SLC9A4: variants seen among roughly 807,000 people sequenced by gnomAD.
SLC9A4 encodes solute carrier family 9 member A4.
In SLC9A4, 63 loss-of-function variants were observed where a neutral mutation model predicts 67.4. The observed-to-expected ratio is 0.93, with a 90% CI of 0.76 to 1.15. The LOEUF (loss-of-function observed/expected upper bound fraction) is 1.15. SLC9A4 is among the 50% of genes most tolerant of loss of function. The pLI, the probability that SLC9A4 is intolerant of heterozygous loss-of-function variation, is 0.00. For synonymous variants in SLC9A4, 393 were observed against 367.2 expected (o/e 1.07, Z -0.80); for missense variants, 1,089 against 987.7 (o/e 1.10, Z -1.38).
intron 2 of SLC9A4, among the ~76,000 whole-genome samples, chr2:102,500,344 C>T (rs1428849247): frequency 6.6e-6 from 1 of 152,208 alleles, no homozygotes; most frequent in African/African-American, 2.4e-5. Context: ...GCCGACATCT[C>T]GAGTCCAGAC....
intron 9 of SLC9A4, among the ~76,000 whole-genome samples, chr2:102,522,394 C>T (rs1256151231): frequency 6.6e-6 from 1 of 152,034 alleles, no homozygotes; most frequent in Non-Finnish European, 1.5e-5. Flanking sequence ...CACTATAACA[C>T]AGAAATGGAG....
intron 2 of SLC9A4, among the ~76,000 whole-genome samples, chr2:102,484,195 G>A (rs1315339732): frequency 6.6e-6 from 1 of 152,078 alleles, no homozygotes; most frequent in Non-Finnish European, 1.5e-5. Context: ...AACTGCACAA[G>A]GACACACTGC....
At position 102,478,981 on chromosome 2, in the gene SLC9A4, T is replaced by G. The variant is rs1164006156; in HGVS notation, c.399T>G (p.Tyr133Ter). The change falls in exon 2 of 12, where the codon TAT becomes TAG. Residue 133 changes from tyrosine (Y) to a stop codon, truncating the protein, a stop_gained. Transcript: ENST00000295269. LOFTEE classifies it high-confidence loss of function. Reference sequence around the variant, plus strand: ...TGGACTCCAGCATCTACTTCCTGTATCTCCTGCCACCCATCGTTCTGGAGG... The same window carrying G: ...TGGACTCCAGCATCTACTTCCTGTAGCTCCTGCCACCCATCGTTCTGGAGG... ...PVMDSSIYFLYLLPPIVLEGG... is the reference protein window; with the variant it reads ...PVMDSSIYFL 1.2e-6 allele frequency: 2 copies of G among 1,614,100 alleles called. No individual in the cohort carries two copies. Among genetic ancestry groups the G allele is most frequent in the Non-Finnish European group, 1.7e-6 (2 of 1,179,992 alleles).
intron 2 of SLC9A4, among the ~76,000 whole-genome samples, chr2:102,484,517 C>T (rs1433165367): frequency 1.3e-5 from 2 of 152,162 alleles, no homozygotes; most frequent in African/African-American, 4.8e-5. Flanking sequence ...AGTGAATGCC[C>T]AACCTGGAGT....
chr2:102,476,848 A>G (rs1401294744), intron 1 of SLC9A4, among the ~76,000 whole-genome samples: 1 of 152,208 alleles, frequency 6.6e-6, no homozygotes, highest in African/African-American at 2.4e-5. Flanking sequence ...TAAGTAAAAT[A>G]AAGAGGAGGA....
intron 2 of SLC9A4, among the ~76,000 whole-genome samples, chr2:102,496,982 G>A (rs1385708507): frequency 6.6e-6 from 1 of 152,194 alleles, no homozygotes; most frequent in Non-Finnish European, 1.5e-5. Flanking sequence ...CTGGAGTGCA[G>A]TGGCATATCT....
chr2:102,530,754 G>A (rs1260142541), intron 11 of SLC9A4, among the ~76,000 whole-genome samples: 2 of 152,160 alleles, frequency 1.3e-5, no homozygotes, highest in Non-Finnish European at 2.9e-5. Context: ...CATGTTAAAG[G>A]AGAGTCAGGG....
intron 3 of SLC9A4, among the ~76,000 whole-genome samples, chr2:102,504,274 G>A (rs1351831133): frequency 2.0e-5 from 3 of 152,062 alleles, no homozygotes; most frequent in African/African-American, 4.8e-5. Flanking sequence ...AGATGGTCTC[G>A]ATCTCCTGAC....
rs1048387576 is a variant in SLC9A4, at chr2:102,512,285, G to A, written c.1559+12G>A. ...CAAGTGAGAGACAAGTAAGGAGGCTGAGGGTTTCACTCCCTGACAAACTTC... is the reference window on the plus strand; with the variant it reads ...CAAGTGAGAGACAAGTAAGGAGGCTAAGGGTTTCACTCCCTGACAAACTTC... On this transcript the variant is annotated intron_variant, in intron 7 of 11. Transcript: ENST00000295269. 5.6e-6 allele frequency: 9 copies of A among 1,613,240 alleles called. No individual in the cohort carries two copies. In the Admixed American group the frequency reaches 1.0e-4, roughly 18 times the overall value.
intron 2 of SLC9A4, among the ~76,000 whole-genome samples, chr2:102,496,876 T>G (rs867228613): frequency 6.6e-6 from 1 of 152,234 alleles, no homozygotes; most frequent in Non-Finnish European, 1.5e-5. Flanking sequence ...AAGATGAGGT[T>G]GCTTCAGTCT....
intron 11 of SLC9A4, among the ~76,000 whole-genome samples, chr2:102,529,956 A>G (rs928797327): frequency 1.1e-4 from 16 of 152,212 alleles, no homozygotes; most frequent in East Asian, 3.8e-4. Context: ...GGCTGCTTAG[A>G]ATCCATGTGC....
chr2:102,483,756 A>G (rs573588408), intron 2 of SLC9A4, among the ~76,000 whole-genome samples: 127 of 149,916 alleles, frequency 8.5e-4, no homozygotes, highest in Non-Finnish European at 1.6e-3. Context: ...GAAGATGGAT[A>G]CAAAAATTAG....
At chr2:102,515,612 A>G (rs62153112) in intron 8 of SLC9A4, among the ~76,000 whole-genome samples, 5,557 of 151,860 alleles carry the variant, frequency 0.037, 449 homozygotes, top group Admixed American at 0.19. Flanking sequence ...CCCCAGGCAA[A>G]GGAAACATCA....
At chr2:102,512,409 G>A in intron 7 of SLC9A4, 136 bp downstream of exon 7, 8 of 804,218 alleles carry the variant, frequency 9.9e-6, no homozygotes, top group Non-Finnish European at 1.5e-5. Context: ...ACAGGAAGTG[G>A]TTGAAATTCC....
intron 1 of SLC9A4, among the ~76,000 whole-genome samples, chr2:102,477,963 T>C (rs1377151573): frequency 2.6e-5 from 4 of 152,234 alleles, no homozygotes; most frequent in Admixed American, 2.6e-4. Context: ...ACCTTATCAA[T>C]AGTGGGAATT....
At position 102,473,858 on chromosome 2, in the gene SLC9A4, T is replaced by C; in HGVS notation, c.99T>C (p.Ser33=). 1 of 1,614,132 alleles carries C rather than the reference T, an allele frequency of 6.2e-7. No homozygotes were observed. The highest frequency in any genetic ancestry group is 8.5e-7 in the Non-Finnish European group (1 of 1,179,968). Residue 33 remains serine, a synonymous_variant, in exon 1 of 12, where the codon TCT becomes TCC. Transcript: ENST00000295269. ...CSEASSDLNE[S]ANSTAQYASN... ...AAGCATCTTCTGATTTGAATGAATCTGCAAATTCCACTGCTCAGTATGCAT... is the reference window on the plus strand; with the variant it reads ...AAGCATCTTCTGATTTGAATGAATCCGCAAATTCCACTGCTCAGTATGCAT...
At chr2:102,529,256 C>G (rs935340603) in intron 11 of SLC9A4, among the ~76,000 whole-genome samples, 1 of 152,200 alleles carries the variant, frequency 6.6e-6, no homozygotes. Context: ...ATATACTCGA[C>G]TGGTTCTAAG....
intron 2 of SLC9A4, among the ~76,000 whole-genome samples, chr2:102,492,065 C>T (rs1332823189): frequency 1.3e-5 from 2 of 152,236 alleles, no homozygotes. Context: ...CATGCTAATG[C>T]AAGTAGGTTC....
At chr2:102,525,453 T>G (rs1674642414) in intron 10 of SLC9A4, among the ~76,000 whole-genome samples, 1 of 151,138 alleles carries the variant, frequency 6.6e-6, no homozygotes, top group Admixed American at 6.6e-5. Flanking sequence ...GACCAGGTAC[T>G]GACCATGCCC....
Sources: gnomAD v4.1 joint callset for allele counts (sites outside exome capture counted in the v4.1 genomes callset) on GRCh38, gnomAD v4.1.1 for gene constraint, MANE v1.5 for transcripts, NCBI Gene and HGNC (gene_info 2026-07-23, HGNC 2026-07-21) for gene names.